The following ZHX3 variants were observed in gnomAD, a reference collection of about 807,000 sequenced individuals.
ZHX3 encodes the protein zinc fingers and homeoboxes 3.
ZHX3 carries 20 observed loss-of-function variants against 64.5 expected under a neutral mutation model. The ratio of observed to expected loss-of-function variants is 0.31; its 90% CI spans 0.22 to 0.45. The LOEUF (loss-of-function observed/expected upper bound fraction) is 0.45, where lower values mean the gene tolerates loss of function less well. Among genes scored for constraint, ZHX3 ranks in the 20% least tolerant of loss-of-function variants. ZHX3 has a pLI of 1.00. For synonymous variants in ZHX3, 423 were observed against 461.6 expected (o/e 0.92, Z 1.07); for missense variants, 1,041 against 1,195.8 (o/e 0.87, Z 1.91).
At chr20:41,217,068 G>T (rs1190954695) in intron 2 of ZHX3, among the ~76,000 whole-genome samples, 1 of 152,090 alleles carries the variant, frequency 6.6e-6, no homozygotes, top group African/African-American at 2.4e-5. Context: ...TGTCATAGAT[G>T]AAACTGGGGT....
intron 1 of ZHX3, among the ~76,000 whole-genome samples, chr20:41,314,767 T>C (rs925671459): frequency 3.3e-5 from 5 of 152,244 alleles, no homozygotes; most frequent in African/African-American, 1.2e-4. Context: ...ATTGTCATTT[T>C]AACTCATGAC....
chr20:41,268,769 G>A (rs2042986313), intron 2 of ZHX3, among the ~76,000 whole-genome samples: 1 of 152,162 alleles, frequency 6.6e-6, no homozygotes, highest in Non-Finnish European at 1.5e-5. Context: ...AATCATCGAA[G>A]TTGTAGATTC....
chr20:41,266,723 T>C (rs2042873007), intron 2 of ZHX3, among the ~76,000 whole-genome samples: 1 of 151,850 alleles, frequency 6.6e-6, no homozygotes, highest in Admixed American at 6.6e-5. Flanking sequence ...TTTTTTGTAT[T>C]TTTAGTAGAG....
intron 3 of ZHX3, chr20:41,188,333 A>G (rs1425727859): frequency 6.6e-6 from 1 of 150,818 alleles, no homozygotes; most frequent in Non-Finnish European, 1.5e-5. Context: ...GTTCTTTAAT[A>G]TACCTATTGG....
In ZHX3 at chr20:41,203,677, C is replaced by A. The variant is rs763088241; in HGVS notation, c.1240G>T (p.Val414Phe). 1.2e-6 allele frequency: 2 copies of A among 1,614,138 alleles called. No homozygotes were observed. Among genetic ancestry groups the A allele is most frequent in the Admixed American group, 3.3e-5 (2 of 60,026 alleles). The change falls in exon 3 of 4, where the codon GTT becomes TTT. Residue 414 changes from valine to phenylalanine, a missense_variant. Physicochemically the swap from Val to Phe is conservative, Grantham distance 50. Transcript: ENST00000683867. The surrounding 1 kb of genome is among the most constrained non-coding windows in gnomAD (Gnocchi z 7.1). ...CCTGTACCCTCTGGCTGCCCCACAA[C>A]GTGACCTGGAAGAGCGGCCTGGATG... ...HLIQAALPGH[V>F]VGQPEGTGGG...
chr20:41,294,601 G>T (rs186362769), intron 1 of ZHX3, among the ~76,000 whole-genome samples: 13 of 152,258 alleles, frequency 8.5e-5, no homozygotes, highest in Admixed American at 7.2e-4. Context: ...GACCTCAAGT[G>T]ATCCATCCAC....
intron 1 of ZHX3, chr20:41,316,945 T>C (rs2045305067): frequency 6.6e-6 from 1 of 152,320 alleles, no homozygotes; most frequent in Admixed American, 6.5e-5. Flanking sequence ...TTCAGGGTGC[T>C]ACTGTACCCC....
chr20:41,218,849 G>T (rs1456131153), intron 2 of ZHX3, among the ~76,000 whole-genome samples: 2 of 151,080 alleles, frequency 1.3e-5, no homozygotes, highest in Admixed American at 1.3e-4. Flanking sequence ...AATAATTTCT[G>T]CATTTAGTAA....
At chr20:41,192,444 G>T (rs2037106537) in intron 3 of ZHX3, among the ~76,000 whole-genome samples, 1 of 152,244 alleles carries the variant, frequency 6.6e-6, no homozygotes, top group Non-Finnish European at 1.5e-5. Context: ...TGGCAGTGCT[G>T]TACTACTACC....
chr20:41,278,938 A>G (rs959401646), intron 1 of ZHX3, among the ~76,000 whole-genome samples: 12 of 151,828 alleles, frequency 7.9e-5, no homozygotes, highest in Non-Finnish European at 1.3e-4. Context: ...ACGCCCGGCT[A>G]ATTTTTTTGT....
chr20:41,290,589 T>A (rs1392239005), intron 1 of ZHX3: 1 of 152,246 alleles, frequency 6.6e-6, no homozygotes, highest in Admixed American at 6.5e-5. Context: ...ACTTGTTTCA[T>A]TTAATCCTCA....
At chr20:41,292,391 CT>C in intron 1 of ZHX3, among the ~76,000 whole-genome samples, 2 of 152,288 alleles carry the variant, frequency 1.3e-5, no homozygotes, top group Middle Eastern at 3.4e-3. Flanking sequence ...GTCTAAACTT[CT>C]TTACTTTCTA....
In ZHX3 at chr20:41,204,433, G is replaced by A. The variant is rs780683512; in HGVS notation, c.484C>T (p.Pro162Ser). The A allele has an allele frequency of 1.9e-6, 3 of 1,614,076 alleles. No homozygotes were observed. The highest frequency in any genetic ancestry group is 2.5e-6 in the Non-Finnish European group (3 of 1,180,056). Residue 162 changes from proline (P) to serine (S), a missense_variant, in exon 3 of 4, where the codon CCT becomes TCT. Around this residue, in one of 4 missense-constraint regions of ZHX3, gnomAD observed 358 missense variants for 369.1 expected, o/e 0.97. Transcript: ENST00000683867. This position sits in a 1 kb window ranked among gnomAD's most constrained non-coding sequence, Gnocchi z 6.6. ...EQSIPESTST[P>S]DLAGEPSAEG... ...GCACTGGGCTCACCCGCTAGGTCAG[G>A]AGTGCTGGTGCTCTCAGGGATGCTC...
chr20:41,214,815 A>G (rs966742051), intron 2 of ZHX3, among the ~76,000 whole-genome samples: 6 of 152,358 alleles, frequency 3.9e-5, no homozygotes, highest in African/African-American at 1.4e-4. Flanking sequence ...GCTATTGTCT[A>G]AGTCAAGCCC....
chr20:41,304,894 A>G (rs1013274452), intron 1 of ZHX3, among the ~76,000 whole-genome samples: 59 of 152,254 alleles, frequency 3.9e-4, no homozygotes, highest in African/African-American at 1.4e-3. Flanking sequence ...GGACAATAGG[A>G]TGAATCATCA....
intron 1 of ZHX3, among the ~76,000 whole-genome samples, chr20:41,288,673 T>A (rs1356086162): frequency 6.6e-6 from 1 of 152,224 alleles, no homozygotes; most frequent in Admixed American, 6.5e-5. Flanking sequence ...TTGCCATATA[T>A]GTAACTACCA....
chr20:41,188,983 A>G (rs975472742), intron 3 of ZHX3, among the ~76,000 whole-genome samples: 34 of 152,174 alleles, frequency 2.2e-4, no homozygotes, highest in African/African-American at 8.2e-4. Flanking sequence ...TCAAGGTCTT[A>G]TATTTAAATC....
At chr20:41,306,258 G>A (rs974702147) in intron 1 of ZHX3, among the ~76,000 whole-genome samples, 6 of 152,094 alleles carry the variant, frequency 3.9e-5, no homozygotes, top group East Asian at 1.9e-4. Flanking sequence ...AAGAAGACAC[G>A]GCTGATTACT....
At chr20:41,312,488 T>C (rs1011037864) in intron 1 of ZHX3, among the ~76,000 whole-genome samples, 1 of 152,204 alleles carries the variant, frequency 6.6e-6, no homozygotes, top group Non-Finnish European at 1.5e-5. Flanking sequence ...CCGCAGCTCC[T>C]TTCTTGAAGT....
Sources: allele counts gnomAD v4.1 joint callset (sites outside exome capture counted in the v4.1 genomes callset), GRCh38; gene constraint gnomAD v4.1.1; regional missense constraint gnomAD v4.1.1; non-coding constraint Gnocchi (gnomAD v3.1); transcripts MANE v1.5; gene names NCBI Gene and HGNC (gene_info 2026-07-23, HGNC 2026-07-21).